Variants in MACROD2 observed in about 807,000 individuals in gnomAD.
MACROD2 encodes the protein ADP-ribose glycohydrolase MACROD2.
Under a neutral mutation model 70.4 loss-of-function variants are expected in MACROD2, and 36 were observed. The ratio of observed to expected loss-of-function variants is 0.51; its 90% CI spans 0.39 to 0.68. The LOEUF (loss-of-function observed/expected upper bound fraction) is 0.68, where lower values mean the gene tolerates loss of function less well. MACROD2 is among the 30% of genes least tolerant of loss of function. The pLI, the probability that MACROD2 is intolerant of heterozygous loss-of-function variation, is 0.00. For missense variants in MACROD2, 496 were observed against 538.4 expected (o/e 0.92, Z 0.78); for synonymous variants, 172 against 178.8 (o/e 0.96, Z 0.30).
chr20:14,013,269 C>CTT (rs1251660626), intron 2 of MACROD2, among the ~76,000 whole-genome samples: 3 of 136,072 alleles, frequency 2.2e-5, no homozygotes, highest in Admixed American at 7.7e-5. Flanking sequence ...GTCAACTGTA[C>CTT]TTTCTTTTTT....
chr20:14,908,653 CTCTG>C (rs983728629), intron 5 of MACROD2, among the ~76,000 whole-genome samples: 2 of 151,534 alleles, frequency 1.3e-5, no homozygotes, highest in Non-Finnish European at 2.9e-5. Context: ...ACAGAGCAGA[CTCTG>C]TCTGCCAGAA....
chr20:14,785,516 A>T (rs1273748751), intron 5 of MACROD2, among the ~76,000 whole-genome samples: 1 of 152,056 alleles, frequency 6.6e-6, no homozygotes, highest in Non-Finnish European at 1.5e-5. Flanking sequence ...AAGACAGACA[A>T]CTGTGGGTAA....
rs56752104 is a variant in MACROD2 at position 15,206,721 on chromosome 20, G to GTTTTTTTTTTTTTTTTTTTTTT, written c.419-23214_419-23193dup. Reference sequence around the variant, plus strand: ...GCATGAAGTCTTTCATATTATCTATGTTTTTTTTTTTTTTTTTTTTTTTTT... The same window carrying GTTTTTTTTTTTTTTTTTTTTTT: ...GCATGAAGTCTTTCATATTATCTATGTTTTTTTTTTTTTTTTTTTTTTTTTTTTTTTTTTTTTTTTTTTTTTT... On this transcript the variant is annotated intron_variant, in intron 5 of 17. Coordinates refer to ENST00000684519, the MANE Select transcript of MACROD2 (RefSeq NM_001351661.2). Among the ~76,000 whole-genome samples, 100 of 33,000 alleles carry GTTTTTTTTTTTTTTTTTTTTTT rather than the reference G, an allele frequency of 3.0e-3. 37 individuals carry two copies. The highest frequency in any genetic ancestry group is 4.1e-3 in the African/African-American group (27 of 6,544). 21.6% of individuals were successfully genotyped at this position (33,000 alleles called of 152,430 possible). A position where few individuals can be genotyped will look rare whatever the true frequency, so the allele number is the denominator to read the frequency against.
At chr20:14,337,040 G>A (rs759340775) in intron 3 of MACROD2, among the ~76,000 whole-genome samples, 7 of 152,154 alleles carry the variant, frequency 4.6e-5, no homozygotes, top group Non-Finnish European at 7.3e-5. Context: ...CATCCCACAC[G>A]TACAGTACAC....
intron 6 of MACROD2, among the ~76,000 whole-genome samples, chr20:15,373,054 T>TA (rs994676484): frequency 6.0e-5 from 9 of 151,158 alleles, no homozygotes; most frequent in South Asian, 2.1e-4. Context: ...GAGAAAACCC[T>TA]AAAAAAAAAT....
chr20:15,045,371 G>A lies in MACROD2; in HGVS notation c.419-184569G>A, dbSNP rs534200403. On this transcript the variant is annotated intron_variant, in intron 5 of 17. Transcript: ENST00000684519. ...GTGAGAGTGTTCTGACCTTGTCTGT[G>A]TTTTTCTCCCCTTCAGTTCACTCAG... 3.9e-5 allele frequency among the ~76,000 whole-genome samples: 6 copies of A among 152,276 alleles called. No individual in the cohort carries two copies. The South Asian group carries it at 8.3e-4, about 21-fold the overall frequency.
intron 15 of MACROD2, among the ~76,000 whole-genome samples, chr20:15,990,068 A>G (rs6074987): frequency 0.36 from 55,314 of 152,020 alleles, 11,993 homozygotes; most frequent in Non-Finnish European, 0.46. Context: ...ACAATAGCAC[A>G]GTGGACATGT....
chr20:15,966,528 G>T (rs1049688448), intron 12 of MACROD2, among the ~76,000 whole-genome samples: 2 of 152,122 alleles, frequency 1.3e-5, no homozygotes, highest in Non-Finnish European at 2.9e-5. Flanking sequence ...GATCCTTTGA[G>T]GCCAGGAGTT....
chr20:14,232,333 G>C (rs1172064673), intron 3 of MACROD2, among the ~76,000 whole-genome samples: 1 of 152,172 alleles, frequency 6.6e-6, no homozygotes, highest in African/African-American at 2.4e-5. Context: ...TTGACTCTTC[G>C]AAGCTAAGTA....
chr20:14,848,230 TC>T (rs1295988808), intron 5 of MACROD2, among the ~76,000 whole-genome samples: 1 of 152,160 alleles, frequency 6.6e-6, no homozygotes, highest in African/African-American at 2.4e-5. Context: ...TTACTGGACT[TC>T]CTAGGGCTTA....
chr20:15,484,142 C>G (rs1392789180), intron 7 of MACROD2, among the ~76,000 whole-genome samples: 1 of 151,246 alleles, frequency 6.6e-6, no homozygotes, highest in Non-Finnish European at 1.5e-5. Flanking sequence ...AGTTCCTGGT[C>G]TGATAATTTC....
intron 5 of MACROD2, among the ~76,000 whole-genome samples, chr20:15,090,130 T>C (rs1203249511): frequency 6.6e-6 from 1 of 152,038 alleles, no homozygotes; most frequent in Non-Finnish European, 1.5e-5. Flanking sequence ...GTATAAATTC[T>C]CAAAGATATA....
chr20:15,142,617 T>G (rs912457370), intron 5 of MACROD2, among the ~76,000 whole-genome samples: 61 of 152,144 alleles, frequency 4.0e-4, no homozygotes, highest in Non-Finnish European at 8.1e-4. Context: ...ACCCATTAAC[T>G]CGTCATTTAC....
chr20:14,077,438 A>G (rs2053928864), intron 2 of MACROD2, among the ~76,000 whole-genome samples: 1 of 152,208 alleles, frequency 6.6e-6, no homozygotes, highest in Admixed American at 6.5e-5. Context: ...CACAGTTTAC[A>G]GCTGTCTCCT....
intron 8 of MACROD2, among the ~76,000 whole-genome samples, chr20:15,565,216 A>G (rs1337163070): frequency 6.6e-6 from 1 of 152,218 alleles, no homozygotes; most frequent in African/African-American, 2.4e-5. Context: ...CAGATTACCA[A>G]CAGGAAGCAT....
intron 5 of MACROD2, among the ~76,000 whole-genome samples, chr20:14,907,419 CT>C (rs1335371549): frequency 6.6e-6 from 1 of 152,186 alleles, no homozygotes; most frequent in Non-Finnish European, 1.5e-5. Flanking sequence ...GCCAAGAACG[CT>C]CCTGAACTAA....
chr20:15,613,444 G>A (rs917589338), intron 8 of MACROD2, among the ~76,000 whole-genome samples: 2 of 152,148 alleles, frequency 1.3e-5, no homozygotes, highest in Non-Finnish European at 2.9e-5. Context: ...GCAGTATAAT[G>A]CTTAGACATC....
At chr20:15,161,940 T>C (rs2076351107) in intron 5 of MACROD2, among the ~76,000 whole-genome samples, 1 of 152,068 alleles carries the variant, frequency 6.6e-6, no homozygotes, top group African/African-American at 2.4e-5. Flanking sequence ...TCAAAACAAA[T>C]GCACTTTTTA....
intron 6 of MACROD2, among the ~76,000 whole-genome samples, chr20:15,361,803 A>G (rs1428682817): frequency 6.6e-6 from 1 of 152,018 alleles, no homozygotes; most frequent in Non-Finnish European, 1.5e-5. Context: ...TAATGATGTC[A>G]TTTTTGAGGT....
Sources: allele counts gnomAD v4.1 joint callset (sites outside exome capture counted in the v4.1 genomes callset), GRCh38; gene constraint gnomAD v4.1.1; transcripts MANE v1.5; gene names NCBI Gene and HGNC (gene_info 2026-07-23, HGNC 2026-07-21).